The following ASIP variants were observed in gnomAD, a reference collection of about 807,000 sequenced individuals.
ASIP encodes agouti-signaling protein.
A neutral mutation model predicts 10.3 loss-of-function variants in ASIP; 11 were observed. The observed-to-expected ratio is 1.07, with a 90% confidence interval of 0.68 to 1.78. The LOEUF (loss-of-function observed/expected upper bound fraction) is 1.78, where lower values mean the gene tolerates loss of function less well. Ranked by LOEUF, ASIP falls within the 40% of genes most tolerant of loss-of-function variation. The probability of loss-of-function intolerance (pLI) is 0.00; values close to 1 mark genes in which losing one functional copy is unlikely to be tolerated. For synonymous variants in ASIP, 70 were observed against 70.8 expected (o/e 0.99, Z 0.06); for missense variants, 180 against 169.2 (o/e 1.06, Z -0.35).
chr20:34,260,559 TG>T (rs980625085), intron 2 of ASIP, 25 bp downstream of exon 2: 1 of 1,586,412 alleles, frequency 6.3e-7, no homozygotes. Context: ...CTCTGGGCTC[TG>T]GCCCAGGAGA....
At chr20:34,263,438 G>T (rs2035730165) in intron 3 of ASIP, among the ~76,000 whole-genome samples, 1 of 151,872 alleles carries the variant, frequency 6.6e-6, no homozygotes, top group Non-Finnish European at 1.5e-5. Flanking sequence ...GGTGGTGGGC[G>T]CCTGTAATCC....
chr20:34,196,090 G>A (rs1380688770), intron 1 of ASIP, among the ~76,000 whole-genome samples: 3 of 151,800 alleles, frequency 2.0e-5, no homozygotes, highest in East Asian at 1.9e-4. Context: ...ATTACAGTCC[G>A]GCACGGAGAA....
At chr20:34,203,658 A>G (rs946093393) in intron 1 of ASIP, among the ~76,000 whole-genome samples, 2 of 151,938 alleles carry the variant, frequency 1.3e-5, no homozygotes, top group African/African-American at 4.8e-5. Flanking sequence ...CGGCCTCCCA[A>G]AGTGCTGAGA....
Position 34,217,368 on chromosome 20 carries a change from G to A in ASIP, c.-11+22608G>A, listed in dbSNP as rs536844858. 2.2e-4 allele frequency among the ~76,000 whole-genome samples: 34 copies of A among 151,432 alleles called. No homozygotes were observed. In the East Asian group the frequency reaches 6.5e-3, roughly 29 times the overall value. On this transcript the variant is annotated intron_variant, in intron 1 of 3. Coordinates refer to the ASIP transcript ENST00000568305. The stretch of plus-strand genomic sequence containing the variant: ...CAGGAGAATCGCTTGAACCTGGGAG[G>A]CGCAGGTTGCAGTGAGCCGACATCT...
Position 34,216,028 on chromosome 20 carries a change from C to T in ASIP, c.-11+21268C>T. ...TCCATGGTCAGCCAGCGGAACGGAG[C>T]CGAGCGGCGCAGCTCGCAGAGAGCT... is the stretch of plus-strand genomic sequence containing the variant. On this transcript the variant is annotated intron_variant, in intron 1 of 3. Coordinates refer to the ASIP transcript ENST00000568305. 6.1e-6 allele frequency: 4 copies of T among 653,964 alleles called. No individual in the cohort carries two copies. The Admixed American group carries it at 6.4e-5, about 10-fold the overall frequency. 40.5% of individuals were successfully genotyped at this position (653,964 alleles called of 1,614,324 possible).
At chr20:34,261,171 T>A (rs2035682508) in intron 2 of ASIP, among the ~76,000 whole-genome samples, 1 of 152,236 alleles carries the variant, frequency 6.6e-6, no homozygotes, top group Non-Finnish European at 1.5e-5. Context: ...TCAAAACTAA[T>A]ATCTCTTACT....
rs554847477 is a variant in ASIP, at chr20:34,262,883, G to A, written c.212G>A (p.Arg71Lys). The A allele has an allele frequency of 6.2e-7, 1 of 1,614,032 alleles. No homozygotes were observed. Among genetic ancestry groups the A allele is most frequent in the Admixed American group, 1.7e-5 (1 of 60,008 alleles). ...GGCAGAAAAGCAGCAGAAAAGAAAA[G>A]ATCTTCTAAGGTAAGGGCAGGGAAG... The part of the protein sequence containing the change: ...QIGRKAAEKK[R>K]SSKKEASMKK... The change falls in exon 3 of 4, where the codon AGA (arginine) becomes AAA (lysine). Residue 71 changes from arginine to lysine, a missense_variant. Transcript: ENST00000374954.
intron 1 of ASIP, chr20:34,214,070 C>T (rs1414324221): frequency 4.0e-6 from 5 of 1,241,536 alleles, no homozygotes; most frequent in South Asian, 2.4e-5. Context: ...ATCACTCCAA[C>T]TGTCTCATAA....
chr20:34,245,227 A>G (rs1445628465), intron 1 of ASIP, among the ~76,000 whole-genome samples: 1 of 149,900 alleles, frequency 6.7e-6, no homozygotes, highest in Admixed American at 6.7e-5. Flanking sequence ...CCAGCTACTC[A>G]GGAGACTGAG....
chr20:34,268,934 T>A, intron 3 of ASIP, 57 bp from the exon 4 acceptor site: 1 of 1,550,582 alleles, frequency 6.4e-7, no homozygotes, highest in Non-Finnish European at 8.7e-7. Context: ...CAGGCAGAGG[T>A]GAGGACCGGA....
intron 3 of ASIP, 123 bp from the exon 4 acceptor site, chr20:34,268,863 GGCGGT>G: frequency 8.5e-7 from 1 of 1,179,490 alleles, no homozygotes; most frequent in Non-Finnish European, 1.2e-6. Context: ...GCGGGCGGTG[GGCGGT>G]GGGCAAGCCA....
chr20:34,246,750 GC>G (rs1410838401), intron 1 of ASIP, among the ~76,000 whole-genome samples: 1 of 152,122 alleles, frequency 6.6e-6, no homozygotes, highest in East Asian at 1.9e-4. Context: ...GAGCCCCTGT[GC>G]CGGGCCTTCA....
chr20:34,194,966 T>C (rs2034845559), intron 1 of ASIP, among the ~76,000 whole-genome samples: 1 of 152,194 alleles, frequency 6.6e-6, no homozygotes, highest in Non-Finnish European at 1.5e-5. Flanking sequence ...TGAAAGCCAA[T>C]GTGCCTGGAT....
At chr20:34,245,938 G>C in intron 1 of ASIP, 3 of 1,530,398 alleles carry the variant, frequency 2.0e-6, no homozygotes, top group Non-Finnish European at 2.7e-6. Context: ...ATTAAATACA[G>C]ACAAATTTTC....
chr20:34,203,060 G>A (rs749369959), intron 1 of ASIP, among the ~76,000 whole-genome samples: 17 of 151,502 alleles, frequency 1.1e-4, no homozygotes, highest in African/African-American at 4.1e-4. Flanking sequence ...TGCCTGCCTC[G>A]GCCTCCCAAA....
chr20:34,260,477 A>G lies in ASIP; in HGVS notation c.103A>G (p.Ser35Gly), dbSNP rs768355505. The stretch of plus-strand genomic sequence containing the variant: ...TGAGGAGAAGCTCCGAGATGACAGG[A>G]GCCTGAGAAGCAACTCCTCTGTGAA... ...PPEEKLRDDR[S>G]LRSNSSVNLL... Residue 35 changes from serine (S) to glycine (G), a missense_variant, in exon 2 of 4, where the codon AGC becomes GGC. Coordinates refer to ENST00000374954, the MANE Select transcript of ASIP (RefSeq NM_001672.3). The G allele has an allele frequency of 3.1e-6, 5 of 1,614,094 alleles. No individual in the cohort carries two copies. The highest frequency in any genetic ancestry group is 4.2e-6 in the Non-Finnish European group (5 of 1,179,968).
At chr20:34,260,179 T>C (rs2035664734) in intron 1 of ASIP, among the ~76,000 whole-genome samples, 186 bp from the exon 2 acceptor site, 1 of 151,938 alleles carries the variant, frequency 6.6e-6, no homozygotes, top group Non-Finnish European at 1.5e-5. Context: ...TCTTCCCATC[T>C]CTCTTCTCTC....
intron 1 of ASIP, among the ~76,000 whole-genome samples, chr20:34,217,864 G>C (rs922075610): frequency 6.6e-6 from 1 of 152,174 alleles, no homozygotes; most frequent in Admixed American, 6.5e-5. Context: ...CGCCCAGCCC[G>C]CTGAAAGCTC....
intron 1 of ASIP, among the ~76,000 whole-genome samples, chr20:34,252,350 G>A (rs560641404): frequency 2.0e-5 from 3 of 152,230 alleles, no homozygotes; most frequent in South Asian, 2.1e-4. Flanking sequence ...GTGGGGAGAA[G>A]GTCAGCAGGG....
Sources: allele counts gnomAD v4.1 joint callset (sites outside exome capture counted in the v4.1 genomes callset), GRCh38; gene constraint gnomAD v4.1.1; transcripts MANE v1.5; gene names NCBI Gene and HGNC (gene_info 2026-07-23, HGNC 2026-07-21).